PTRH2: variants seen among roughly 807,000 people sequenced by gnomAD.
PTRH2 encodes the protein peptidyl-tRNA hydrolase 2, mitochondrial.
PTRH2 carries 10 observed loss-of-function variants against 12.3 expected under a neutral mutation model. The observed-to-expected ratio is 0.81, with a 90% CI of 0.50 to 1.38. The LOEUF is 1.38. Ranked by LOEUF, PTRH2 falls within the 40% of genes most tolerant of loss-of-function variation. PTRH2 has a pLI of 0.00. For missense variants in PTRH2, 176 were observed against 214.1 expected, an observed-to-expected ratio of 0.82 and a Z score of 1.11; for synonymous variants, 73 against 77.4, an observed-to-expected ratio of 0.94 and a Z score of 0.30.
At position 59,697,400 on chromosome 17, in the gene PTRH2, C is replaced by T. The variant is rs1567983411; in HGVS notation, c.*39G>A. Reference sequence around the variant, plus strand: ...TTGTTAGAATCTGACAGGCTTCAAACACTTGTGATGGAGGGGTTGTTGTCA... The same window carrying T: ...TTGTTAGAATCTGACAGGCTTCAAATACTTGTGATGGAGGGGTTGTTGTCA... On this transcript the variant is annotated 3_prime_UTR_variant, in exon 2 of 2. Transcript: ENST00000393038. The T allele has an allele frequency of 6.4e-7, 1 of 1,552,858 alleles. No individual in the cohort carries two copies. Among genetic ancestry groups the T allele is most frequent in the East Asian group, 2.3e-5 (1 of 44,222 alleles).
rs2033707539 is a variant in PTRH2 at position 59,707,404 on chromosome 17, C to T, written c.-34G>A. 1 of 152,674 alleles carries T rather than the reference C, an allele frequency of 6.5e-6. No individual in the cohort carries two copies. The highest frequency in any genetic ancestry group is 6.6e-5 in the Admixed American group (1 of 15,264). The allele number at this position is 152,674 out of a possible 1,614,324, so 9.5% of individuals were successfully genotyped here. A position where few individuals can be genotyped will look rare whatever the true frequency, so the allele number is the denominator to read the frequency against. On this transcript the variant is annotated 5_prime_UTR_variant, in exon 1 of 2. Coordinates refer to ENST00000393038, the MANE Select transcript of PTRH2 (RefSeq NM_016077.5). ...CCTCCTTTCCTCACTCGCGCCTTCC[C>T]TTCTTCTGGGCAGCGAACACGTTTC... is the stretch of plus-strand genomic sequence containing the variant.
At chr17:59,701,720 A>G (rs781737124) in intron 1 of PTRH2, among the ~76,000 whole-genome samples, 1 of 151,898 alleles carries the variant, frequency 6.6e-6, no homozygotes, top group South Asian at 2.1e-4. Context: ...TTGTTTGTCT[A>G]TTTGAGATGG....
chr17:59,697,315 G>T lies in PTRH2; in HGVS notation c.*124C>A. On this transcript the variant is annotated 3_prime_UTR_variant, in exon 2 of 2. Transcript: ENST00000393038. ...TGACAACTGCCAACCATAGAACATG[G>T]GAATAGGTTTTATTTTCATCTCAAG... 1 of 1,169,072 alleles carries T rather than the reference G, an allele frequency of 8.6e-7. No individual in the cohort carries two copies. The highest frequency in any genetic ancestry group is 1.2e-6 in the Non-Finnish European group (1 of 840,440). 72.4% of individuals were successfully genotyped at this position (1,169,072 alleles called of 1,614,324 possible). A position where few individuals can be genotyped will look rare whatever the true frequency, so the allele number is the denominator to read the frequency against.
chr17:59,698,130 A>G (rs2033482662), intron 1 of PTRH2, 152 bp from the exon 2 acceptor site: 4 of 725,436 alleles, frequency 5.5e-6, no homozygotes, highest in Admixed American at 2.9e-5. Flanking sequence ...CCTGTTTCCA[A>G]CACCCTCTTG....
At chr17:59,703,403 A>AATTATG (rs1432820228) in intron 1 of PTRH2, among the ~76,000 whole-genome samples, 1 of 152,162 alleles carries the variant, frequency 6.6e-6, no homozygotes, top group Middle Eastern at 3.2e-3. Context: ...ATCTATATAT[A>AATTATG]ATTATGATCC....
intron 1 of PTRH2, chr17:59,700,072 G>A (rs1464950577): frequency 6.6e-6 from 1 of 152,208 alleles, no homozygotes; most frequent in Non-Finnish European, 1.5e-5. Flanking sequence ...GCCAGGAAAA[G>A]ATCAAAATGC....
chr17:59,701,373 G>A (rs1379969602), intron 1 of PTRH2: 1 of 152,208 alleles, frequency 6.6e-6, no homozygotes, highest in Non-Finnish European at 1.5e-5. Context: ...TGAAGAACAG[G>A]TGTAATGAAA....
Position 59,697,884 on chromosome 17 carries a change from C to G in PTRH2, c.95G>C (p.Ser32Thr), listed in dbSNP as rs753776429. Residue 32 changes from serine (S) to threonine (T), a missense_variant, in exon 2 of 2, where the codon AGC becomes ACC. Coordinates refer to ENST00000393038, the MANE Select transcript of PTRH2 (RefSeq NM_016077.5). Reference protein sequence around the residue: ...GVACGMCLGWSLRVCFGMLPK... With the variant: ...GVACGMCLGWTLRVCFGMLPK... Reference sequence around the variant, plus strand: ...GAGCATCCCAAAGCATACTCGAAGGCTCCAGCCCAGGCACATGCCACAAGC... The same window carrying G: ...GAGCATCCCAAAGCATACTCGAAGGGTCCAGCCCAGGCACATGCCACAAGC... 6.2e-7 allele frequency: 1 copy of G among 1,614,170 alleles called. No homozygotes were observed. The highest frequency in any genetic ancestry group is 1.1e-5 in the South Asian group (1 of 91,076).
intron 1 of PTRH2, among the ~76,000 whole-genome samples, chr17:59,702,836 T>C (rs2033577885): frequency 1.3e-5 from 2 of 152,154 alleles, no homozygotes; most frequent in South Asian, 4.1e-4. Context: ...AAACATTCTG[T>C]TTTTCACCTT....
At chr17:59,700,289 TA>T (rs1555609504) in intron 1 of PTRH2, 3 of 152,254 alleles carry the variant, frequency 2.0e-5, no homozygotes, top group Non-Finnish European at 4.4e-5. Context: ...AAGACACTTA[TA>T]TCAGTCTACA....
intron 1 of PTRH2, among the ~76,000 whole-genome samples, chr17:59,705,039 C>T (rs1214943508): frequency 6.6e-6 from 1 of 152,188 alleles, no homozygotes; most frequent in Non-Finnish European, 1.5e-5. Flanking sequence ...CTGCCTGCCT[C>T]AGCCTCCCAA....
intron 1 of PTRH2, 54 bp downstream of exon 1, chr17:59,707,317 A>G (rs2033703600): frequency 6.6e-6 from 1 of 152,618 alleles, no homozygotes. Flanking sequence ...TACTGGCGAG[A>G]AAATGAATAA....
At chr17:59,703,494 T>C (rs762576304) in intron 1 of PTRH2, among the ~76,000 whole-genome samples, 5 of 152,216 alleles carry the variant, frequency 3.3e-5, no homozygotes, top group South Asian at 2.1e-4. Context: ...GTCGTCTTAA[T>C]CCAGAGCCCT....
chr17:59,704,407 G>A (rs1016195711), intron 1 of PTRH2, among the ~76,000 whole-genome samples: 1 of 152,152 alleles, frequency 6.6e-6, no homozygotes, highest in African/African-American at 2.4e-5. Context: ...GAAAAAAAAG[G>A]ATATATCAGC....
chr17:59,706,220 G>A (rs775008222), intron 1 of PTRH2, among the ~76,000 whole-genome samples: 2 of 152,184 alleles, frequency 1.3e-5, no homozygotes, highest in Non-Finnish European at 2.9e-5. Context: ...TCTGGGCAAT[G>A]ACAGCAGAAC....
At chr17:59,704,723 C>A (rs1287034309) in intron 1 of PTRH2, among the ~76,000 whole-genome samples, 2 of 152,156 alleles carry the variant, frequency 1.3e-5, no homozygotes, top group African/African-American at 4.8e-5. Context: ...CAGGGCTGCA[C>A]AGACATAGTA....
intron 1 of PTRH2, among the ~76,000 whole-genome samples, chr17:59,705,286 T>C (rs1567990412): frequency 6.6e-6 from 1 of 152,256 alleles, no homozygotes; most frequent in Non-Finnish European, 1.5e-5. Flanking sequence ...GAAGCTATTA[T>C]GTGCTGGATA....
chr17:59,703,200 T>C (rs1405093842), intron 1 of PTRH2, among the ~76,000 whole-genome samples: 1 of 152,114 alleles, frequency 6.6e-6, no homozygotes, highest in African/African-American at 2.4e-5. Flanking sequence ...AAAACTTTTT[T>C]TTTTAAGACA....
intron 1 of PTRH2, among the ~76,000 whole-genome samples, chr17:59,703,804 C>A (rs1448562636): frequency 6.6e-6 from 1 of 151,296 alleles, no homozygotes; most frequent in African/African-American, 2.4e-5. Context: ...CCATGCCCTG[C>A]CGAGCCCTTG....
Sources: gnomAD v4.1 joint callset for allele counts (sites outside exome capture counted in the v4.1 genomes callset) on GRCh38, gnomAD v4.1.1 for gene constraint, MANE v1.5 for transcripts, NCBI Gene and HGNC (gene_info 2026-07-23, HGNC 2026-07-21) for gene names.